INPP4B: variants seen among roughly 807,000 people sequenced by gnomAD.
The protein encoded by INPP4B is inositol polyphosphate-4-phosphatase type II B.
A neutral mutation model predicts 122.5 loss-of-function variants in INPP4B; 55 were observed. The ratio of observed to expected loss-of-function variants is 0.45; its 90% CI spans 0.36 to 0.56. The LOEUF is 0.56. INPP4B is among the 20% of genes least tolerant of loss of function. INPP4B has a pLI of 0.00. For synonymous variants in INPP4B, 403 were observed against 388.7 expected, an observed-to-expected ratio of 1.04 and a Z score of -0.43; for missense variants, 1,000 against 1,097.7, an observed-to-expected ratio of 0.91 and a Z score of 1.26.
intron 1 of INPP4B, among the ~76,000 whole-genome samples, chr4:142,842,612 A>G (rs1360379968): frequency 1.5e-5 from 2 of 136,640 alleles, no homozygotes; most frequent in African/African-American, 5.4e-5. Context: ...TGTATAATAT[A>G]TAATATATTT....
At position 142,175,849 on chromosome 4, in the gene INPP4B, T is replaced by TA. The variant is rs949007915; in HGVS notation, c.1182-2041dup. ...TGTAAAGAAAATGATTCTCTAAAGA[T>TA]ACAGATGTGTCACCAGAATTTGAAC... is the stretch of plus-strand genomic sequence containing the variant. On this transcript the variant is annotated intron_variant, in intron 15 of 25. Transcript: ENST00000262992. Among the ~76,000 whole-genome samples, 19 of 152,176 alleles carry TA rather than the reference T, an allele frequency of 1.2e-4. No homozygotes were observed. The East Asian group carries it at 3.5e-3, about 28-fold the overall frequency.
intron 11 of INPP4B, among the ~76,000 whole-genome samples, chr4:142,258,015 A>T (rs1737352196): frequency 6.6e-6 from 1 of 152,146 alleles, no homozygotes. Flanking sequence ...ATATAGATCA[A>T]TGGAACAGAA....
At chr4:142,351,687 A>T (rs878910835) in intron 7 of INPP4B, among the ~76,000 whole-genome samples, 123 of 152,032 alleles carry the variant, frequency 8.1e-4, no homozygotes, top group African/African-American at 2.9e-3. Flanking sequence ...AAACGTAGAA[A>T]ATAAATAAGT....
At chr4:142,840,330 C>T (rs1038747225) in intron 1 of INPP4B, among the ~76,000 whole-genome samples, 4 of 152,120 alleles carry the variant, frequency 2.6e-5, no homozygotes, top group African/African-American at 9.7e-5. Flanking sequence ...TCAGCAGATG[C>T]TGTGAGGGGA....
intron 23 of INPP4B, among the ~76,000 whole-genome samples, chr4:142,097,092 T>G (rs561447830): frequency 6.6e-6 from 1 of 152,210 alleles, no homozygotes; most frequent in African/African-American, 2.4e-5. Context: ...TAAATAAAAT[T>G]AATTTAGACA....
At chr4:142,119,822 C>T (rs1337377643) in intron 21 of INPP4B, among the ~76,000 whole-genome samples, 1 of 8,972 alleles carries the variant, frequency 1.1e-4, no homozygotes, top group Non-Finnish European at 1.8e-3. Context: ...CACACACACA[C>T]ACATACACAT....
intron 2 of INPP4B, among the ~76,000 whole-genome samples, chr4:142,663,747 CATTTCTAAGA>C (rs1755593665): frequency 6.6e-6 from 1 of 151,932 alleles, no homozygotes; most frequent in African/African-American, 2.4e-5. Flanking sequence ...TGTTTTGATT[CATTTCTAAGA>C]ATTTCTATAG....
At chr4:142,194,736 C>A (rs1003541947) in intron 14 of INPP4B, among the ~76,000 whole-genome samples, 21 of 152,134 alleles carry the variant, frequency 1.4e-4, no homozygotes, top group Admixed American at 7.2e-4. Flanking sequence ...TGATGGGAAC[C>A]TGAGTCGCTG....
chr4:142,711,928 G>A lies in INPP4B; in HGVS notation c.-191+13911C>T, dbSNP rs376336963. Among the ~76,000 whole-genome samples the A allele has an allele frequency of 8.5e-5, 13 of 152,276 alleles. No individual in the cohort carries two copies. In the East Asian group the frequency reaches 1.7e-3, roughly 20 times the overall value. ...CCCACCATGGTGGTACATGACTGTA[G>A]TTCCAGTTACTCAAAAGACCGAGGC... On this transcript the variant is annotated intron_variant, in intron 2 of 25. Coordinates refer to ENST00000262992, the MANE Select transcript of INPP4B (RefSeq NM_001101669.3).
chr4:142,693,945 A>C (rs1391314041), intron 2 of INPP4B, among the ~76,000 whole-genome samples: 1 of 148,996 alleles, frequency 6.7e-6, no homozygotes, highest in Non-Finnish European at 1.5e-5. Flanking sequence ...GCTTCTCTCT[A>C]TGTGTCTATA....
intron 25 of INPP4B, chr4:142,029,218 G>A: frequency 9.6e-7 from 1 of 1,040,446 alleles, no homozygotes; most frequent in Non-Finnish European, 1.2e-6. Context: ...AAATATATCT[G>A]CCTTTTTATA....
Position 142,783,369 on chromosome 4 carries a change from C to T in INPP4B, c.-253-57468G>A, listed in dbSNP as rs575826155. On this transcript the variant is annotated intron_variant, in intron 1 of 25. Transcript: ENST00000262992. ...AGTGGGCAAAGGACATGAACAGACA[C>T]TTCTCAAAAGAAGACATTTATGCAG... Among the ~76,000 whole-genome samples the T allele has an allele frequency of 1.4e-3, 206 of 152,260 alleles. 1 individual carries two copies. Among genetic ancestry groups the T allele is most frequent in the African/African-American group, 4.9e-3 (204 of 41,558 alleles).
chr4:142,810,799 G>A (rs965842827), intron 1 of INPP4B, among the ~76,000 whole-genome samples: 1 of 152,128 alleles, frequency 6.6e-6, no homozygotes, highest in African/African-American at 2.4e-5. Context: ...TTCCAGGACC[G>A]AATCTTGTTG....
chr4:142,316,392 T>C (rs1012453971), intron 7 of INPP4B, among the ~76,000 whole-genome samples: 17 of 152,126 alleles, frequency 1.1e-4, no homozygotes, highest in Non-Finnish European at 2.1e-4. Context: ...TATACGCAAA[T>C]AGTGGTGGTG....
intron 12 of INPP4B, among the ~76,000 whole-genome samples, chr4:142,223,174 T>A (rs1241095311): frequency 6.6e-6 from 1 of 151,672 alleles, no homozygotes; most frequent in African/African-American, 2.4e-5. Flanking sequence ...CCCAGGGCTG[T>A]TCCACACATA....
intron 2 of INPP4B, among the ~76,000 whole-genome samples, chr4:142,573,953 ATTACT>A (rs1214718986): frequency 2.0e-5 from 3 of 152,126 alleles, no homozygotes; most frequent in Non-Finnish European, 2.9e-5. Context: ...TAATATACAA[ATTACT>A]TTATTATATA....
At chr4:142,384,283 C>T (rs1795194892) in intron 7 of INPP4B, among the ~76,000 whole-genome samples, 1 of 152,178 alleles carries the variant, frequency 6.6e-6, no homozygotes, top group Admixed American at 6.5e-5. Flanking sequence ...CAATGAATTA[C>T]AGTCATGCAT....
intron 2 of INPP4B, among the ~76,000 whole-genome samples, chr4:142,534,746 A>T (rs1381309746): frequency 6.6e-6 from 1 of 151,474 alleles, no homozygotes; most frequent in Non-Finnish European, 1.5e-5. Flanking sequence ...GTGTCATCAG[A>T]TTTCAATTCA....
chr4:142,197,998 G>A, intron 14 of INPP4B, among the ~76,000 whole-genome samples: 1 of 151,850 alleles, frequency 6.6e-6, no homozygotes, highest in Non-Finnish European at 1.5e-5. Flanking sequence ...AGCATATACT[G>A]GATGCTCAAT....
Sources: allele counts gnomAD v4.1 joint callset (sites outside exome capture counted in the v4.1 genomes callset), GRCh38; gene constraint gnomAD v4.1.1; transcripts MANE v1.5; gene names NCBI Gene and HGNC (gene_info 2026-07-23, HGNC 2026-07-21).